Variants in SCFD2 observed in about 807,000 individuals in gnomAD.
SCFD2 encodes the protein sec1 family domain containing 2, also known as sec1 family domain-containing protein 2.
A neutral mutation model predicts 58.9 loss-of-function variants in SCFD2; 54 were observed. That is an observed-to-expected ratio of 0.92 (90% confidence interval 0.74 to 1.15). The LOEUF is 1.15. Among genes scored for constraint, SCFD2 ranks in the 50% most tolerant of loss-of-function variants. SCFD2 has a pLI of 0.00. For synonymous variants in SCFD2, 321 were observed against 335.9 expected (o/e 0.96, Z 0.49); for missense variants, 805 against 836.6 (o/e 0.96, Z 0.47).
chr4:53,322,196 T>C (rs1733044453), intron 2 of SCFD2, among the ~76,000 whole-genome samples: 2 of 152,118 alleles, frequency 1.3e-5, no homozygotes, highest in Non-Finnish European at 2.9e-5. Flanking sequence ...AAGGTACAGA[T>C]CATGAAGACC....
At chr4:53,269,218 A>G (rs1260242178) in intron 4 of SCFD2, among the ~76,000 whole-genome samples, 2 of 152,174 alleles carry the variant, frequency 1.3e-5, no homozygotes, top group African/African-American at 2.4e-5. Context: ...CCAGCTACTC[A>G]GGAGTCTGAG....
intron 4 of SCFD2, among the ~76,000 whole-genome samples, chr4:53,230,370 C>A (rs1408007604): frequency 6.6e-6 from 1 of 152,072 alleles, no homozygotes; most frequent in Non-Finnish European, 1.5e-5. Flanking sequence ...TTGGAACCAA[C>A]CCAAATGTCC....
rs573743708 is a variant in SCFD2, at chr4:52,994,853, A to C, written c.1562-73983T>G. Among the ~76,000 whole-genome samples the C allele has an allele frequency of 1.4e-4, 21 of 152,210 alleles. No individual in the cohort carries two copies. The East Asian group carries it at 4.1e-3, about 29-fold the overall frequency. On this transcript the variant is annotated intron_variant, in intron 5 of 8. Coordinates refer to ENST00000401642, the MANE Select transcript of SCFD2 (RefSeq NM_152540.4). The stretch of plus-strand genomic sequence containing the variant: ...TATATTTATCATCATTACCATCATC[A>C]TCGTCATAAAAAAAAAGCCTTGCAA...
intron 5 of SCFD2, among the ~76,000 whole-genome samples, chr4:52,960,357 ATCT>A (rs1198166843): frequency 1.1e-4 from 15 of 141,424 alleles, no homozygotes; most frequent in South Asian, 4.9e-4. Flanking sequence ...AGAGAGGCAC[ATCT>A]TCTTCTTCTT....
rs111444517 is a variant in SCFD2, at chr4:52,903,187, C to T, written c.1842+4270G>A. On this transcript the variant is annotated intron_variant, in intron 7 of 8. Coordinates refer to ENST00000401642, the MANE Select transcript of SCFD2 (RefSeq NM_152540.4). ...AAGAAACAGACTTGCACACTGTCAGCGTGGAAAGGAGAAGAGAGCATCAGA... is the reference window on the plus strand; with the variant it reads ...AAGAAACAGACTTGCACACTGTCAGTGTGGAAAGGAGAAGAGAGCATCAGA... 1.7e-3 allele frequency among the ~76,000 whole-genome samples: 254 copies of T among 152,242 alleles called. 1 individual carries two copies. The highest frequency in any genetic ancestry group is 0.014 in the Middle Eastern group (4 of 294).
chr4:53,350,814 A>G (rs561440313), intron 2 of SCFD2, among the ~76,000 whole-genome samples: 3 of 152,040 alleles, frequency 2.0e-5, no homozygotes, highest in Admixed American at 6.6e-5. Flanking sequence ...GGTTCAAGAT[A>G]CTCTCGTGCC....
At position 53,145,493 on chromosome 4, in the gene SCFD2, G is replaced by A. The variant is rs779711098; in HGVS notation, c.1401C>T (p.Ser467=). 6.2e-7 allele frequency: 1 copy of A among 1,613,960 alleles called. No individual in the cohort carries two copies. ...PVTQRTNEDY[S]PEELLILLIY... is the part of the protein sequence containing the mutation. ...TGAGAAGGATCAGCAGTTCCTCAGG[G>A]CTGTAGTCCTCGTTGGTTCTCTGGG... The change falls in exon 5 of 9, where the codon AGC becomes AGT. Residue 467 remains serine (S), a synonymous_variant. Coordinates refer to ENST00000401642, the MANE Select transcript of SCFD2 (RefSeq NM_152540.4).
At chr4:53,328,864 G>A (rs905596875) in intron 2 of SCFD2, among the ~76,000 whole-genome samples, 1 of 152,242 alleles carries the variant, frequency 6.6e-6, no homozygotes, top group Admixed American at 6.5e-5. Flanking sequence ...GTGCCAGACA[G>A]TGGGCGCAGG....
At chr4:53,162,510 C>T (rs970422661) in intron 4 of SCFD2, among the ~76,000 whole-genome samples, 1 of 152,136 alleles carries the variant, frequency 6.6e-6, no homozygotes, top group African/African-American at 2.4e-5. Flanking sequence ...TGAGGAATCG[C>T]GACACTGACT....
At chr4:53,248,725 C>A (rs563364818) in intron 4 of SCFD2, among the ~76,000 whole-genome samples, 11 of 152,180 alleles carry the variant, frequency 7.2e-5, no homozygotes, top group African/African-American at 2.7e-4. Flanking sequence ...CAAACTCCAA[C>A]AGACCTGCAG....
At chr4:52,989,466 C>T (rs550482514) in intron 5 of SCFD2, among the ~76,000 whole-genome samples, 59 of 152,266 alleles carry the variant, frequency 3.9e-4, no homozygotes, top group African/African-American at 1.4e-3. Context: ...AATGTGATAG[C>T]TTAGGAGTTC....
chr4:52,975,792 G>C (rs868659623), intron 5 of SCFD2, among the ~76,000 whole-genome samples: 1 of 152,106 alleles, frequency 6.6e-6, no homozygotes, highest in Non-Finnish European at 1.5e-5. Flanking sequence ...AACAATGATA[G>C]ACTGTATTAA....
At chr4:52,889,267 C>T (rs1718825677) in intron 7 of SCFD2, among the ~76,000 whole-genome samples, 1 of 152,292 alleles carries the variant, frequency 6.6e-6, no homozygotes. Flanking sequence ...AAATAGCAAA[C>T]ATTGTACTAA....
At chr4:52,891,984 GTGGCCC>G (rs1245124724) in intron 7 of SCFD2, among the ~76,000 whole-genome samples, 1 of 152,172 alleles carries the variant, frequency 6.6e-6, no homozygotes, top group East Asian at 1.9e-4. Flanking sequence ...TCCTCCCTTG[GTGGCCC>G]TGGCCCTGTC....
At chr4:53,089,779 T>A (rs1229078466) in intron 5 of SCFD2, among the ~76,000 whole-genome samples, 1 of 152,176 alleles carries the variant, frequency 6.6e-6, no homozygotes, top group Non-Finnish European at 1.5e-5. Flanking sequence ...GTTTGTAGAA[T>A]TTCTATATTC....
chr4:53,301,099 C>A (rs1349118975), intron 3 of SCFD2, among the ~76,000 whole-genome samples: 1 of 152,014 alleles, frequency 6.6e-6, no homozygotes, highest in African/African-American at 2.4e-5. Flanking sequence ...TAACTAAGAT[C>A]AGAGCAGAAC....
At chr4:52,992,595 C>T (rs569819713) in intron 5 of SCFD2, among the ~76,000 whole-genome samples, 3 of 151,108 alleles carry the variant, frequency 2.0e-5, no homozygotes, top group South Asian at 2.1e-4. Context: ...CGTCTCTGCC[C>T]GGCCGCCCAT....
intron 5 of SCFD2, among the ~76,000 whole-genome samples, chr4:52,943,678 C>T (rs1185531412): frequency 6.6e-6 from 1 of 152,138 alleles, no homozygotes; most frequent in Non-Finnish European, 1.5e-5. Flanking sequence ...GGTCTAATCA[C>T]ATCTTAAAGA....
intron 5 of SCFD2, among the ~76,000 whole-genome samples, chr4:53,064,993 T>A (rs1321544001): frequency 6.6e-6 from 1 of 152,146 alleles, no homozygotes; most frequent in Non-Finnish European, 1.5e-5. Context: ...AATGTGTGCT[T>A]TATTTTTGAA....
Sources: allele counts gnomAD v4.1 joint callset (sites outside exome capture counted in the v4.1 genomes callset), GRCh38; gene constraint gnomAD v4.1.1; transcripts MANE v1.5; gene names NCBI Gene and HGNC (gene_info 2026-07-23, HGNC 2026-07-21).